The following KCNJ6 variants were observed in gnomAD, a reference collection of about 807,000 sequenced individuals.
The protein encoded by KCNJ6 is potassium inwardly rectifying channel subfamily J member 6.
Under a neutral mutation model 34.2 loss-of-function variants are expected in KCNJ6, and 9 were observed. The ratio of observed to expected loss-of-function variants is 0.26; its 90% CI spans 0.16 to 0.46. The LOEUF (loss-of-function observed/expected upper bound fraction) is 0.46, where lower values mean the gene tolerates loss of function less well. Ranked by LOEUF, KCNJ6 falls within the 20% of genes least tolerant of loss-of-function variation. The pLI, the probability that KCNJ6 is intolerant of heterozygous loss-of-function variation, is 1.00. For missense variants in KCNJ6, 236 were observed against 531.3 expected (o/e 0.44, Z 5.46); for synonymous variants, 196 against 207.1 (o/e 0.95, Z 0.46).
chr21:37,839,353 A>T (rs1471057686), intron 2 of KCNJ6, among the ~76,000 whole-genome samples: 1 of 152,192 alleles, frequency 6.6e-6, no homozygotes, highest in Non-Finnish European at 1.5e-5. Flanking sequence ...CAGTGAAATT[A>T]GCATGTGTTC....
intron 3 of KCNJ6, among the ~76,000 whole-genome samples, chr21:37,668,554 A>C (rs2054527546): frequency 6.6e-6 from 1 of 152,140 alleles, no homozygotes; most frequent in Non-Finnish European, 1.5e-5. Context: ...AAATACAGCC[A>C]CATGCTGAGG....
chr21:37,749,400 G>A (rs943314818), intron 2 of KCNJ6, among the ~76,000 whole-genome samples: 1 of 152,300 alleles, frequency 6.6e-6, no homozygotes, highest in Admixed American at 6.5e-5. Flanking sequence ...CCCTCCGCTC[G>A]TGGACAGAAT....
In KCNJ6 at chr21:37,618,239, A is replaced by G. The variant is rs1475621038; in HGVS notation, c.*6920T>C. 1 of 152,244 alleles carries G rather than the reference A, an allele frequency of 6.6e-6. No individual in the cohort carries two copies. The highest frequency in any genetic ancestry group is 1.9e-4 in the East Asian group (1 of 5,188). 9.4% of individuals were successfully genotyped at this position (152,244 alleles called of 1,614,324 possible). A position where few individuals can be genotyped will look rare whatever the true frequency, so the allele number is the denominator to read the frequency against. ...TAATGCACGGCTGACCGAAACTCTG[A>G]TCTCTGCACTCCAGTTGATCGAGTT... On this transcript the variant is annotated 3_prime_UTR_variant, in exon 4 of 4. Transcript: ENST00000609713.
chr21:37,868,167 G>T (rs186672404), intron 1 of KCNJ6, among the ~76,000 whole-genome samples: 6 of 152,272 alleles, frequency 3.9e-5, no homozygotes, highest in Admixed American at 2.0e-4. Flanking sequence ...CTATGTCAGG[G>T]GTCTCAGAGC....
In KCNJ6 at chr21:37,607,482, A is replaced by ATATATATATATATTT; in HGVS notation, c.*17676_*17677insAAATATATATATATA. On this transcript the variant is annotated 3_prime_UTR_variant, in exon 4 of 4. Coordinates refer to ENST00000609713, the MANE Select transcript of KCNJ6 (RefSeq NM_002240.5). ...CTTAAAGATATATATATATATATATATTTTTTTTTTATTTTAAAAAAATTT... is the reference window on the plus strand; with the variant it reads ...CTTAAAGATATATATATATATATATATATATATATATATTTTTTTTTTTTTATTTTAAAAAAATTT... 256 of 136,732 alleles carry ATATATATATATATTT rather than the reference A, an allele frequency of 1.9e-3. 1 individual carries two copies. The highest frequency in any genetic ancestry group is 4.1e-3 in the South Asian group (17 of 4,156). 8.5% of individuals were successfully genotyped at this position (136,732 alleles called of 1,614,324 possible).
chr21:37,658,098 CT>C (rs2054472366), intron 3 of KCNJ6, among the ~76,000 whole-genome samples: 1 of 151,062 alleles, frequency 6.6e-6, no homozygotes, highest in African/African-American at 2.5e-5. Flanking sequence ...AACAGAATTG[CT>C]TCTAACCTGG....
intron 2 of KCNJ6, among the ~76,000 whole-genome samples, chr21:37,753,243 G>T (rs2055005604): frequency 6.6e-6 from 1 of 152,192 alleles, no homozygotes; most frequent in Admixed American, 6.5e-5. Context: ...GATTGAACCT[G>T]TCAAACAACC....
At chr21:37,878,882 G>A (rs764796454) in intron 1 of KCNJ6, among the ~76,000 whole-genome samples, 1 of 152,160 alleles carries the variant, frequency 6.6e-6, no homozygotes, top group African/African-American at 2.4e-5. Flanking sequence ...TGGCGATCCC[G>A]TGTGATGTTC....
chr21:37,850,206 C>T (rs966227649), intron 1 of KCNJ6, among the ~76,000 whole-genome samples: 20 of 151,996 alleles, frequency 1.3e-4, no homozygotes, highest in Non-Finnish European at 2.5e-4. Context: ...TTGCGGGGTG[C>T]CAGGGGTCAG....
intron 1 of KCNJ6, among the ~76,000 whole-genome samples, chr21:37,851,294 G>A (rs1047812303): frequency 5.9e-5 from 9 of 152,320 alleles, no homozygotes; most frequent in East Asian, 1.9e-4. Context: ...ATAACCCCTG[G>A]AAGCCAGCTT....
At position 37,624,433 on chromosome 21, in the gene KCNJ6, A is replaced by G. The variant is rs1297906268; in HGVS notation, c.*726T>C. 1 of 152,164 alleles carries G rather than the reference A, an allele frequency of 6.6e-6. No homozygotes were observed. Among genetic ancestry groups the G allele is most frequent in the African/African-American group, 2.4e-5 (1 of 41,444 alleles). The allele number at this position is 152,164 out of a possible 1,614,324, so 9.4% of individuals were successfully genotyped here. ...AATAACCTGGAAAACACAGACATCAAAACAGAAATGCCTACTGCATGTTAG... is the reference window on the plus strand; with the variant it reads ...AATAACCTGGAAAACACAGACATCAGAACAGAAATGCCTACTGCATGTTAG... On this transcript the variant is annotated 3_prime_UTR_variant, in exon 4 of 4. Coordinates refer to ENST00000609713, the MANE Select transcript of KCNJ6 (RefSeq NM_002240.5).
At chr21:37,858,887 G>C (rs2055578613) in intron 1 of KCNJ6, among the ~76,000 whole-genome samples, 1 of 152,142 alleles carries the variant, frequency 6.6e-6, no homozygotes, top group African/African-American at 2.4e-5. Flanking sequence ...GGCAGGGAAG[G>C]TGAAGGAGGA....
At chr21:37,850,862 G>GGAAT (rs1032400719) in intron 1 of KCNJ6, among the ~76,000 whole-genome samples, 8 of 152,126 alleles carry the variant, frequency 5.3e-5, no homozygotes, top group African/African-American at 1.9e-4. Context: ...TCAATTTAGA[G>GGAAT]GAATGAATCC....
chr21:37,812,778 G>T (rs1297035750), intron 2 of KCNJ6, among the ~76,000 whole-genome samples: 1 of 152,098 alleles, frequency 6.6e-6, no homozygotes, highest in East Asian at 1.9e-4. Flanking sequence ...CATAATAAAA[G>T]CCATATATAA....
chr21:37,809,343 G>A (rs2055309762), intron 2 of KCNJ6, among the ~76,000 whole-genome samples: 1 of 151,980 alleles, frequency 6.6e-6, no homozygotes, highest in Non-Finnish European at 1.5e-5. Flanking sequence ...CATGGACACA[G>A]GAAGGGGAAC....
intron 1 of KCNJ6, among the ~76,000 whole-genome samples, chr21:37,869,860 G>C (rs1363469704): frequency 1.3e-5 from 2 of 152,224 alleles, no homozygotes. Flanking sequence ...ATGCTAAGTA[G>C]TGAAGTCTGG....
chr21:37,829,290 C>T (rs552128254), intron 2 of KCNJ6, among the ~76,000 whole-genome samples: 5 of 152,198 alleles, frequency 3.3e-5, no homozygotes, highest in African/African-American at 9.6e-5. Context: ...GCGGGGAAGG[C>T]GAGCGGAGGA....
At chr21:37,669,651 G>C (rs945172175) in intron 3 of KCNJ6, among the ~76,000 whole-genome samples, 1 of 151,858 alleles carries the variant, frequency 6.6e-6, no homozygotes, top group African/African-American at 2.4e-5. Context: ...AAACAACAAT[G>C]CTTTGGACAT....
chr21:37,713,076 G>T (rs541281639), intron 3 of KCNJ6, among the ~76,000 whole-genome samples: 2 of 152,170 alleles, frequency 1.3e-5, no homozygotes, highest in East Asian at 1.9e-4. Flanking sequence ...CACCACCACC[G>T]TAAAAGAAAT....
Sources: allele counts gnomAD v4.1 joint callset (sites outside exome capture counted in the v4.1 genomes callset), GRCh38; gene constraint gnomAD v4.1.1; transcripts MANE v1.5; gene names NCBI Gene and HGNC (gene_info 2026-07-23, HGNC 2026-07-21).